HSPA12A: variants seen among roughly 807,000 people sequenced by gnomAD.
HSPA12A encodes heat shock 70 kDa protein 12A.
In HSPA12A, 28 loss-of-function variants were observed where a neutral mutation model predicts 69.2. The ratio of observed to expected loss-of-function variants is 0.40; its 90% CI spans 0.30 to 0.55. HSPA12A has a LOEUF of 0.55. Among genes scored for constraint, HSPA12A ranks in the 20% least tolerant of loss-of-function variants. The probability of loss-of-function intolerance (pLI) is 0.38; values close to 1 mark genes in which losing one functional copy is unlikely to be tolerated. For missense variants in HSPA12A, 686 were observed against 900.7 expected (o/e 0.76, Z 3.05); for synonymous variants, 345 against 370.5 (o/e 0.93, Z 0.79).
At chr10:116,693,164 T>C (rs1416835571) in intron 5 of HSPA12A, among the ~76,000 whole-genome samples, 6 of 152,186 alleles carry the variant, frequency 3.9e-5, no homozygotes, top group African/African-American at 1.4e-4. Context: ...GCTGTCATCA[T>C]TGTCATCTAC....
intron 2 of HSPA12A, among the ~76,000 whole-genome samples, chr10:116,803,298 C>G (rs1334123701): frequency 6.6e-6 from 1 of 152,038 alleles, no homozygotes; most frequent in Non-Finnish European, 1.5e-5. Flanking sequence ...CAGATATACA[C>G]GTACCCAAAC....
At chr10:116,726,708 C>G (rs1850974652) in intron 1 of HSPA12A, among the ~76,000 whole-genome samples, 1 of 152,204 alleles carries the variant, frequency 6.6e-6, no homozygotes, top group Non-Finnish European at 1.5e-5. Flanking sequence ...TTGGCTTGCT[C>G]CGATGAACGG....
At chr10:116,770,204 G>C (rs1283129898) in intron 2 of HSPA12A, among the ~76,000 whole-genome samples, 4 of 152,204 alleles carry the variant, frequency 2.6e-5, no homozygotes, top group African/African-American at 9.6e-5. Flanking sequence ...TGGTCACACA[G>C]ACACCAAAAA....
At chr10:116,830,340 G>A (rs569903015) in intron 2 of HSPA12A, 1 of 152,248 alleles carries the variant, frequency 6.6e-6, no homozygotes, top group South Asian at 2.1e-4. Context: ...CCTCCAGACT[G>A]CAACTGATTC....
rs73385331 is a variant in HSPA12A, at chr10:116,807,111, C to A, written c.91+27824G>T. Among the ~76,000 whole-genome samples, 1,453 of 151,976 alleles carry A rather than the reference C, an allele frequency of 9.6e-3. 25 individuals are homozygous for A. Among genetic ancestry groups the A allele is most frequent in the African/African-American group, 0.032 (1,326 of 41,460 alleles). On this transcript the variant is annotated intron_variant, in intron 2 of 12. Coordinates refer to the HSPA12A transcript ENST00000635765. ...CAACACCTTGATTTTGAACTTCTGGCCACCAGAACTGGAAGAGAGTACATT... is the reference window on the plus strand; with the variant it reads ...CAACACCTTGATTTTGAACTTCTGGACACCAGAACTGGAAGAGAGTACATT...
At chr10:116,715,819 C>T (rs782655989) in intron 1 of HSPA12A, among the ~76,000 whole-genome samples, 3 of 152,118 alleles carry the variant, frequency 2.0e-5, no homozygotes, top group African/African-American at 4.8e-5. Context: ...AATAAGGATA[C>T]GAGTTCACTG....
At chr10:116,714,423 C>T (rs575621337) in intron 1 of HSPA12A, among the ~76,000 whole-genome samples, 46 of 152,250 alleles carry the variant, frequency 3.0e-4, no homozygotes, top group African/African-American at 1.0e-3. Flanking sequence ...CTTTCTCATT[C>T]TACCCCCAAG....
chr10:116,744,351 C>T (rs932187940), upstream of HSPA12A, among the ~76,000 whole-genome samples: 1 of 152,222 alleles, frequency 6.6e-6, no homozygotes, highest in Non-Finnish European at 1.5e-5. Context: ...CCAGGGGGGC[C>T]CTCCTCAGTG....
intron 2 of HSPA12A, among the ~76,000 whole-genome samples, chr10:116,762,185 G>T (rs1375131207): frequency 6.6e-6 from 1 of 152,012 alleles, no homozygotes; most frequent in Non-Finnish European, 1.5e-5. Flanking sequence ...CTATCCTGTT[G>T]GTCACCAGAC....
At chr10:116,747,482 G>A (rs1245653175), upstream of HSPA12A, among the ~76,000 whole-genome samples, 1 of 152,312 alleles carries the variant, frequency 6.6e-6, no homozygotes, top group African/African-American at 2.4e-5. Flanking sequence ...TCTCAAGGAG[G>A]ACAATGCAAA....
chr10:116,799,021 C>T (rs970282595), intron 2 of HSPA12A, among the ~76,000 whole-genome samples: 4 of 152,114 alleles, frequency 2.6e-5, no homozygotes, highest in African/African-American at 7.2e-5. Flanking sequence ...GCCCAGGGCT[C>T]TGCTGACTCT....
At chr10:116,742,267 G>A (rs1851536635) in intron 1 of HSPA12A, among the ~76,000 whole-genome samples, 163 bp downstream of exon 1, 1 of 151,748 alleles carries the variant, frequency 6.6e-6, no homozygotes, top group East Asian at 1.9e-4. Context: ...CCGGCCCCCG[G>A]CCCCGCTGCT....
At chr10:116,760,329 G>C (rs1207487315) in intron 2 of HSPA12A, among the ~76,000 whole-genome samples, 4 of 152,046 alleles carry the variant, frequency 2.6e-5, no homozygotes. Context: ...AGGGCACCGA[G>C]AGCTCCCTGT....
At position 116,698,689 on chromosome 10, in the gene HSPA12A, T is replaced by C; in HGVS notation, c.492A>G (p.Lys164=). 1 of 1,614,152 alleles carries C rather than the reference T, an allele frequency of 6.2e-7. No homozygotes were observed. Among genetic ancestry groups the C allele is most frequent in the African/African-American group, 1.3e-5 (1 of 75,070 alleles). ...DLTAANGKKV[K]ALEIFAYALQ... ...GGGCATAAGCAAAGATTTCAAGGGC[T>C]TTGACTTTCTTGCCATTTGCTGCCG... Residue 164 remains lysine (K), a synonymous_variant, in exon 5 of 12, where the codon AAA becomes AAG. Coordinates refer to ENST00000369209, the MANE Select transcript of HSPA12A (RefSeq NM_025015.3).
At chr10:116,735,404 AT>A (rs1375051079) in intron 1 of HSPA12A, among the ~76,000 whole-genome samples, 1 of 152,172 alleles carries the variant, frequency 6.6e-6, no homozygotes, top group African/African-American at 2.4e-5. Context: ...AGCAGACGTG[AT>A]TTTATTGGAC....
intron 2 of HSPA12A, among the ~76,000 whole-genome samples, chr10:116,793,235 A>G (rs1198345793): frequency 6.6e-6 from 1 of 152,270 alleles, no homozygotes; most frequent in Admixed American, 6.5e-5. Flanking sequence ...AATAAACATT[A>G]ACTGCATAAA....
Position 116,796,531 on chromosome 10 carries a change from C to A in HSPA12A, c.91+38404G>T, listed in dbSNP as rs535501193. ...TCCTGCCTCCCCATCCCCACTCAAA[C>A]TACAAAATGCAAACTCCTCCAGACC... is the stretch of plus-strand genomic sequence containing the variant. On this transcript the variant is annotated intron_variant, in intron 2 of 12. Transcript: ENST00000635765. 6.6e-5 allele frequency among the ~76,000 whole-genome samples: 10 copies of A among 152,272 alleles called. No individual in the cohort carries two copies. In the East Asian group the frequency reaches 1.7e-3, roughly 26 times the overall value.
chr10:116,691,378 T>C (rs1437264405), intron 6 of HSPA12A, among the ~76,000 whole-genome samples: 3 of 152,122 alleles, frequency 2.0e-5, no homozygotes, highest in South Asian at 2.1e-4. Context: ...GTTGACTCTG[T>C]GGGTTTTTTG....
At chr10:116,724,171 G>T (rs1850873786) in intron 1 of HSPA12A, among the ~76,000 whole-genome samples, 1 of 152,102 alleles carries the variant, frequency 6.6e-6, no homozygotes, top group African/African-American at 2.4e-5. Flanking sequence ...CTGGAGGCAG[G>T]GCCACAAGGG....
Sources: gnomAD v4.1 joint callset for allele counts (sites outside exome capture counted in the v4.1 genomes callset) on GRCh38, gnomAD v4.1.1 for gene constraint, MANE v1.5 for transcripts, NCBI Gene and HGNC (gene_info 2026-07-23, HGNC 2026-07-21) for gene names.